The following CEP295NL variants were observed in gnomAD, a reference collection of about 807,000 sequenced individuals.
The protein encoded by CEP295NL is protein DDC8 homolog.
A neutral mutation model predicts 4.6 loss-of-function variants in CEP295NL; 3 were observed. The observed-to-expected ratio is 0.65, with a 90% CI of 0.30 to 1.69. The LOEUF is 1.69. Ranked by LOEUF, CEP295NL falls within the 40% of genes most tolerant of loss-of-function variation. CEP295NL has a pLI of 0.10. For missense variants in CEP295NL, 719 were observed against 769.0 expected, an observed-to-expected ratio of 0.93 and a Z score of 0.77; for synonymous variants, 295 against 312.2, an observed-to-expected ratio of 0.94 and a Z score of 0.58.
intron 2 of CEP295NL, among the ~76,000 whole-genome samples, chr17:78,900,544 CAA>C (rs35575848): frequency 0.076 from 11,090 of 145,040 alleles, 462 homozygotes; most frequent in Middle Eastern, 0.12. Context: ...GACTCCATTT[CAA>C]AAAAAAAAAA....
rs541619932 is a variant in CEP295NL at position 78,891,056 on chromosome 17, C to T, written c.1448G>A (p.Gly483Asp). The part of the protein sequence containing the change: ...ETPKLGTLAE[G>D]SLQLHLQDQA... ...GTCTTGAAGGTGGAGCTGAAGGGAG[C>T]CCTCTGCCAGCGTGCCCAGTTTGGG... is the stretch of plus-strand genomic sequence containing the variant. The change falls in exon 3 of 3, where the codon GGC becomes GAC. Residue 483 changes from glycine (G) to aspartate (D), a missense_variant. Physicochemically the swap from Gly to Asp is moderately conservative, Grantham distance 94. Coordinates refer to ENST00000322630, the MANE Select transcript of CEP295NL (RefSeq NM_001243540.2). This position sits in a 1 kb window ranked among gnomAD's most constrained non-coding sequence, Gnocchi z 4.5. 84 of 1,550,962 alleles carry T rather than the reference C, an allele frequency of 5.4e-5. No homozygotes were observed. Among genetic ancestry groups the T allele is most frequent in the Non-Finnish European group, 6.7e-5 (77 of 1,147,120 alleles).
chr17:78,901,405 G>C (rs1399647749), intron 2 of CEP295NL: 2 of 273,868 alleles, frequency 7.3e-6, no homozygotes, highest in Non-Finnish European at 1.4e-5. Context: ...ATCTGAACGA[G>C]GGAGAGGTGT....
Position 78,890,736 on chromosome 17 carries a change from G to A in CEP295NL, c.1768C>T (p.Arg590Ter), listed in dbSNP as rs759440158. ...TGTAAGATCTGCTGCTGCTGGTCTC[G>A]GATCATCTGACTGTGCCGGTCGTCG... The part of the protein sequence containing the change: ...ADDDRHSQMI[R>*]DQQQQILQQN... The change falls in exon 3 of 3, where the codon CGA (arginine) becomes TGA (stop). Residue 590 changes from arginine to a stop codon, truncating the protein, a stop_gained. Transcript: ENST00000322630. LOFTEE classifies it high-confidence loss of function. The A allele has an allele frequency of 1.2e-5, 18 of 1,550,628 alleles. No homozygotes were observed. Among genetic ancestry groups the A allele is most frequent in the African/African-American group, 8.2e-5 (6 of 73,152 alleles).
At chr17:78,903,096 G>T (rs2145786826) in intron 1 of CEP295NL, 38 bp downstream of exon 1, 1 of 152,488 alleles carries the variant, frequency 6.6e-6, no homozygotes, top group South Asian at 2.1e-4. Context: ...CAGACACAGA[G>T]AGCCTCAGCC....
chr17:78,895,036 A>C (rs936225674), intron 2 of CEP295NL, among the ~76,000 whole-genome samples: 1 of 152,128 alleles, frequency 6.6e-6, no homozygotes, highest in Admixed American at 6.5e-5. Context: ...ATCCCAGCAC[A>C]CTGGGAGGCT....
intron 2 of CEP295NL, chr17:78,901,373 C>T (rs74706050): frequency 0.046 from 10,364 of 226,762 alleles, 459 homozygotes; most frequent in African/African-American, 0.13. Context: ...AGGAGATGCA[C>T]GGGCTGAAGA....
chr17:78,891,371 G>A lies in CEP295NL; in HGVS notation c.1133C>T (p.Ala378Val), dbSNP rs1289506053. ...GCCACACTCTTGCATCTCTGAGAAG[G>A]CATGCCCTTCCCCAGGTCTCTGGTC... ...RMDQRPGEGHAFSEMQECGAG... is the reference protein window; with the variant it reads ...RMDQRPGEGHVFSEMQECGAG... Residue 378 changes from alanine to valine, a missense_variant, in exon 3 of 3, where the codon GCC becomes GTC. Transcript: ENST00000322630. The surrounding 1 kb of genome is among the most constrained non-coding windows in gnomAD (Gnocchi z 4.5). 1 of 1,550,474 alleles carries A rather than the reference G, an allele frequency of 6.4e-7. No homozygotes were observed. The highest frequency in any genetic ancestry group is 8.7e-7 in the Non-Finnish European group (1 of 1,147,032).
At position 78,895,797 on chromosome 17, in the gene CEP295NL, T is replaced by C. The variant is rs556034726; in HGVS notation, c.45-3338A>G. On this transcript the variant is annotated intron_variant, in intron 2 of 2. Coordinates refer to ENST00000322630, the MANE Select transcript of CEP295NL (RefSeq NM_001243540.2). The stretch of plus-strand genomic sequence containing the variant: ...GTGGTGAGGTCGGGGCTGCTGTGAA[T>C]GCCCCTCTGTGTGTCTCGGAAGGTG... Among the ~76,000 whole-genome samples, 72 of 152,238 alleles carry C rather than the reference T, an allele frequency of 4.7e-4. 1 individual carries two copies. Among genetic ancestry groups the C allele is most frequent in the African/African-American group, 1.7e-3 (71 of 41,560 alleles).
rs1396662385 is a variant in CEP295NL at position 78,890,630 on chromosome 17, T to C, written c.*8A>G. 1 of 1,547,360 alleles carries C rather than the reference T, an allele frequency of 6.5e-7. No individual in the cohort carries two copies. Among genetic ancestry groups the C allele is most frequent in the East Asian group, 2.4e-5 (1 of 40,842 alleles). Reference sequence around the variant, plus strand: ...GTGATGTATTTACCCCGGGTGGGCCTCTCGCATTTAGCATATGTTCTGAAA... The same window carrying C: ...GTGATGTATTTACCCCGGGTGGGCCCCTCGCATTTAGCATATGTTCTGAAA... On this transcript the variant is annotated 3_prime_UTR_variant, in exon 3 of 3. Coordinates refer to ENST00000322630, the MANE Select transcript of CEP295NL (RefSeq NM_001243540.2).
At chr17:78,892,900 G>A (rs1208803360) in intron 2 of CEP295NL, among the ~76,000 whole-genome samples, 4 of 152,166 alleles carry the variant, frequency 2.6e-5, no homozygotes, top group Admixed American at 2.0e-4. Flanking sequence ...CAAGGGTTAG[G>A]ATTCAGGTAG....
At chr17:78,901,165 G>A (rs1599169531) in intron 2 of CEP295NL, 1 of 153,090 alleles carries the variant, frequency 6.5e-6, no homozygotes, top group Admixed American at 6.5e-5. Flanking sequence ...GAGCTCGGCA[G>A]AGACACCCAC....
intron 2 of CEP295NL, among the ~76,000 whole-genome samples, chr17:78,894,175 T>C (rs2069961945): frequency 6.6e-6 from 1 of 151,812 alleles, no homozygotes. Context: ...CAGTAATCCT[T>C]TGAGATACGA....
At chr17:78,892,636 G>C (rs1280256992) in intron 2 of CEP295NL, 177 bp from the exon 3 acceptor site, 3 of 944,028 alleles carry the variant, frequency 3.2e-6, no homozygotes, top group Non-Finnish European at 4.6e-6. Flanking sequence ...TTTCTGTCCT[G>C]TACACTTTTG....
Position 78,890,964 on chromosome 17 carries a change from G to C in CEP295NL, c.1540C>G (p.Gln514Glu). ...TGTTCAAGCGATTCCAGTTGTTTTT[G>C]TCTTCTCTGCTCCATCTCTGCTTTC... ...RQKAEMEQRRQKQLESLEQME... is the reference protein window; with the variant it reads ...RQKAEMEQRREKQLESLEQME... Residue 514 changes from glutamine (Q) to glutamate (E), a missense_variant, in exon 3 of 3, where the codon CAA becomes GAA. Gln to Glu is a conservative substitution (Grantham distance 29). Coordinates refer to ENST00000322630, the MANE Select transcript of CEP295NL (RefSeq NM_001243540.2). 1 of 1,551,074 alleles carries C rather than the reference G, an allele frequency of 6.4e-7. No homozygotes were observed. The highest frequency in any genetic ancestry group is 8.7e-7 in the Non-Finnish European group (1 of 1,147,122).
intron 2 of CEP295NL, among the ~76,000 whole-genome samples, chr17:78,895,627 C>T (rs1023403313): frequency 2.0e-5 from 3 of 152,196 alleles, no homozygotes; most frequent in African/African-American, 7.2e-5. Flanking sequence ...GATTCCACTC[C>T]TAGGTCTATA....
Position 78,892,195 on chromosome 17 carries a change from T to C in CEP295NL, c.309A>G (p.Lys103=), listed in dbSNP as rs1292503423. The change falls in exon 3 of 3, where the codon AAA becomes AAG. Residue 103 remains lysine, a synonymous_variant. Transcript: ENST00000322630. ...CAGCCAAGCGCTGGAGCTGGTAGTTTTTCCACAGCTTGGCATCCGCTCTTC... is the reference window on the plus strand; with the variant it reads ...CAGCCAAGCGCTGGAGCTGGTAGTTCTTCCACAGCTTGGCATCCGCTCTTC... ...LQRRADAKLW[K]NYQLQRLAEE... 9 of 1,551,052 alleles carry C rather than the reference T, an allele frequency of 5.8e-6. No homozygotes were observed. In the South Asian group the frequency reaches 1.1e-4, roughly 18 times the overall value.
intron 2 of CEP295NL, among the ~76,000 whole-genome samples, chr17:78,892,708 G>A (rs1050356512): frequency 6.6e-6 from 1 of 152,236 alleles, no homozygotes; most frequent in Non-Finnish European, 1.5e-5. Context: ...GGGGACATTG[G>A]CAATGTCTGG....
In CEP295NL at chr17:78,892,282, C is replaced by A; in HGVS notation, c.222G>T (p.Leu74=). 2 of 1,550,762 alleles carry A rather than the reference C, an allele frequency of 1.3e-6. No individual in the cohort carries two copies. The highest frequency in any genetic ancestry group is 1.7e-6 in the Non-Finnish European group (2 of 1,147,038). The change falls in exon 3 of 3, where the codon CTG becomes CTT. Residue 74 remains leucine, a synonymous_variant. Transcript: ENST00000322630. ...WLSLCPDNED[L]LWRKKHKLLQ... ...GCAATTTGTGCTTTTTCCTCCAAAG[C>A]AGGTCTTCGTTATCAGGACAGAGGC...
chr17:78,894,903 C>A (rs2069974717), intron 2 of CEP295NL, among the ~76,000 whole-genome samples: 1 of 152,098 alleles, frequency 6.6e-6, no homozygotes, highest in South Asian at 2.1e-4. Context: ...ATTTGCAAAT[C>A]ATATATCCAA....
Sources: gnomAD v4.1 joint callset for allele counts (sites outside exome capture counted in the v4.1 genomes callset) on GRCh38, gnomAD v4.1.1 for gene constraint, Gnocchi (gnomAD v3.1) non-coding constraint, MANE v1.5 for transcripts, NCBI Gene and HGNC (gene_info 2026-07-23, HGNC 2026-07-21) for gene names.